Variants in TMEFF1 observed in about 807,000 individuals in gnomAD.
The protein encoded by TMEFF1 is transmembrane protein with EGF like and two follistatin like domains 1, also known as tomoregulin-1.
A neutral mutation model predicts 47.5 loss-of-function variants in TMEFF1; 20 were observed. The observed-to-expected ratio is 0.42, with a 90% CI of 0.30 to 0.61. The LOEUF (loss-of-function observed/expected upper bound fraction) is 0.61. Among genes scored for constraint, TMEFF1 ranks in the 20% least tolerant of loss-of-function variants. The pLI, the probability that TMEFF1 is intolerant of heterozygous loss-of-function variation, is 0.19. For synonymous variants in TMEFF1, 162 were observed against 166.3 expected (o/e 0.97, Z 0.20); for missense variants, 411 against 471.1 (o/e 0.87, Z 1.18).
intron 7 of TMEFF1, among the ~76,000 whole-genome samples, chr9:100,550,772 C>T (rs766072819): frequency 6.6e-6 from 1 of 152,202 alleles, no homozygotes; most frequent in African/African-American, 2.4e-5. Context: ...CACTCTGTAT[C>T]CCTAACCCTA....
chr9:100,502,342 T>G (rs1837776988), intron 2 of TMEFF1, among the ~76,000 whole-genome samples: 1 of 152,174 alleles, frequency 6.6e-6, no homozygotes, highest in South Asian at 2.1e-4. Context: ...AAATTTCAGA[T>G]TTTCACCTTA....
intron 1 of TMEFF1, among the ~76,000 whole-genome samples, chr9:100,474,431 C>T (rs1273879838): frequency 6.6e-6 from 1 of 151,606 alleles, no homozygotes; most frequent in Non-Finnish European, 1.5e-5. Flanking sequence ...GTCCCAGGGC[C>T]CAGGAAGTGA....
chr9:100,573,344 A>C (rs779295344), intron 9 of TMEFF1, among the ~76,000 whole-genome samples: 13 of 152,222 alleles, frequency 8.5e-5, no homozygotes, highest in Non-Finnish European at 1.6e-4. Context: ...GATAAGTAAT[A>C]AGCTTTAAAA....
intron 9 of TMEFF1, among the ~76,000 whole-genome samples, chr9:100,573,333 C>A (rs1034422160): frequency 6.6e-6 from 1 of 151,952 alleles, no homozygotes; most frequent in African/African-American, 2.4e-5. Flanking sequence ...AGGATTGCAG[C>A]GATAAGTAAT....
At chr9:100,474,297 A>G (rs929292896) in intron 1 of TMEFF1, among the ~76,000 whole-genome samples, 4 of 149,574 alleles carry the variant, frequency 2.7e-5, no homozygotes, top group Non-Finnish European at 5.9e-5. Context: ...TGTCTTGAGG[A>G]CGCGGTTTGG....
chr9:100,562,386 G>A (rs1315180368), intron 8 of TMEFF1, among the ~76,000 whole-genome samples: 1 of 151,390 alleles, frequency 6.6e-6, no homozygotes, highest in African/African-American at 2.4e-5. Flanking sequence ...CAGTCTCTTG[G>A]GTCCTTCTAC....
At chr9:100,479,591 A>G (rs1837301780) in intron 1 of TMEFF1, among the ~76,000 whole-genome samples, 1 of 152,144 alleles carries the variant, frequency 6.6e-6, no homozygotes, top group Non-Finnish European at 1.5e-5. Flanking sequence ...TGCCTATTCT[A>G]GATATGCATG....
chr9:100,544,945 A>G lies in TMEFF1; in HGVS notation c.561-2799A>G, dbSNP rs577757899. ...CTTGTATCTGGGTCATGCCGATGCA[A>G]AAGGTGGGTTCCCATGGTCTTGGGC... On this transcript the variant is annotated intron_variant, in intron 5 of 9. Coordinates refer to ENST00000374879, the MANE Select transcript of TMEFF1 (RefSeq NM_003692.5). Among the ~76,000 whole-genome samples, 4 of 152,290 alleles carry G rather than the reference A, an allele frequency of 2.6e-5. No homozygotes were observed. In the South Asian group the frequency reaches 8.3e-4, roughly 32 times the overall value.
intron 1 of TMEFF1, among the ~76,000 whole-genome samples, chr9:100,476,269 G>A (rs973073572): frequency 5.9e-5 from 9 of 152,066 alleles, no homozygotes; most frequent in Non-Finnish European, 1.3e-4. Flanking sequence ...TTTTTTAGTT[G>A]GTAAGTTTGA....
intron 8 of TMEFF1, 58 bp from the exon 9 acceptor site, chr9:100,572,460 G>A: frequency 6.8e-7 from 1 of 1,464,884 alleles, no homozygotes; most frequent in Non-Finnish European, 9.0e-7. Flanking sequence ...TAATGTAAAA[G>A]CTTGGGAGTA....
At position 100,561,511 on chromosome 9, in the gene TMEFF1, C is replaced by T; in HGVS notation, c.890C>T (p.Ala297Val). The T allele has an allele frequency of 1.2e-6, 2 of 1,611,678 alleles. 1 individual carries two copies. Among genetic ancestry groups the T allele is most frequent in the South Asian group, 2.2e-5 (2 of 90,484 alleles). The stretch of plus-strand genomic sequence containing the variant: ...GAATTCATCTATTCTACTCAGAAGG[C>T]TTCTTGTAGGTAAGTCAGCGCTTCC... ...KCEFIYSTQK[A>V]SCRCESGYTG... The change falls in exon 8 of 10, where the codon GCT becomes GTT. Residue 297 changes from alanine (A) to valine (V), a missense_variant. By Grantham distance (64) the Ala-to-Val change is moderately conservative. Transcript: ENST00000374879.
intron 5 of TMEFF1, among the ~76,000 whole-genome samples, chr9:100,534,559 C>T (rs138308414): frequency 7.2e-4 from 110 of 152,294 alleles, no homozygotes; most frequent in African/African-American, 2.4e-3. Flanking sequence ...CAGTAGTATC[C>T]GTGGCCTCTG....
At chr9:100,566,294 C>G (rs1057226028) in intron 8 of TMEFF1, among the ~76,000 whole-genome samples, 1 of 152,170 alleles carries the variant, frequency 6.6e-6, no homozygotes, top group African/African-American at 2.4e-5. Context: ...ACATAAATCC[C>G]AGACTTCTCT....
chr9:100,501,982 G>C (rs926623623), intron 2 of TMEFF1, among the ~76,000 whole-genome samples: 1 of 152,104 alleles, frequency 6.6e-6, no homozygotes, highest in South Asian at 2.1e-4. Context: ...TATGCCCATA[G>C]TAAACAACTT....
chr9:100,554,615 TGGA>T (rs1227105898), intron 7 of TMEFF1, among the ~76,000 whole-genome samples: 1 of 151,534 alleles, frequency 6.6e-6, no homozygotes, highest in Non-Finnish European at 1.5e-5. Flanking sequence ...AGGGCTGGTG[TGGA>T]GGACAGTGGG....
Position 100,508,966 on chromosome 9 carries a change from A to T in TMEFF1, c.307-39A>T. The T allele has an allele frequency of 2.0e-6, 3 of 1,519,454 alleles. No individual in the cohort carries two copies. The South Asian group carries it at 4.1e-5, about 21-fold the overall frequency. 94.1% of individuals were successfully genotyped at this position (1,519,454 alleles called of 1,614,324 possible). ...AATGTGAAATAAACTATTAATATTC[A>T]TGCCTAGTTCTGAGAATTTATTTTT... On this transcript the variant is annotated intron_variant, in intron 2 of 9. Transcript: ENST00000374879.
Position 100,475,849 on chromosome 9 carries a change from G to C in TMEFF1, c.196+2109G>C, listed in dbSNP as rs145133548. 3.1e-3 allele frequency among the ~76,000 whole-genome samples: 468 copies of C among 151,434 alleles called. 2 individuals carry two copies. Among genetic ancestry groups the C allele is most frequent in the African/African-American group, 0.011 (440 of 41,228 alleles). On this transcript the variant is annotated intron_variant, in intron 1 of 9. Transcript: ENST00000374879. Reference sequence around the variant, plus strand: ...GCCGGAGAAGTGAACCTGTGTTTTTGTGTGGTGTGTGTGCGTGTGAAGCCT... The same window carrying C: ...GCCGGAGAAGTGAACCTGTGTTTTTCTGTGGTGTGTGTGCGTGTGAAGCCT...
intron 1 of TMEFF1, among the ~76,000 whole-genome samples, chr9:100,491,205 A>G (rs535184783): frequency 6.4e-4 from 98 of 152,286 alleles, no homozygotes; most frequent in Non-Finnish European, 1.3e-3. Flanking sequence ...TATTTTCAGT[A>G]TAGAGATCAT....
chr9:100,559,395 T>C (rs1269043373), intron 7 of TMEFF1, among the ~76,000 whole-genome samples: 2 of 152,192 alleles, frequency 1.3e-5, no homozygotes, highest in Non-Finnish European at 2.9e-5. Context: ...GATGATAAAT[T>C]AGTGATCTGT....
Sources: allele counts gnomAD v4.1 joint callset (sites outside exome capture counted in the v4.1 genomes callset), GRCh38; gene constraint gnomAD v4.1.1; transcripts MANE v1.5; gene names NCBI Gene and HGNC (gene_info 2026-07-23, HGNC 2026-07-21).